The following LRIG1 variants were observed in gnomAD, a reference collection of about 807,000 sequenced individuals.
The protein encoded by LRIG1 is leucine rich repeats and immunoglobulin like domains 1, also known as leucine-rich repeats and immunoglobulin-like domains protein 1.
LRIG1 carries 48 observed loss-of-function variants against 99.2 expected under a neutral mutation model. That is an observed-to-expected ratio of 0.48 (90% CI 0.38 to 0.62). The LOEUF is 0.62. Among genes scored for constraint, LRIG1 ranks in the 20% least tolerant of loss-of-function variants. LRIG1 has a pLI of 0.00. For synonymous variants in LRIG1, 772 were observed against 596.1 expected (o/e 1.29, Z -4.30); for missense variants, 1,646 against 1,434.4 (o/e 1.15, Z -2.38).
chr3:66,450,276 C>T (rs1466691788), intron 3 of LRIG1, among the ~76,000 whole-genome samples: 1 of 152,174 alleles, frequency 6.6e-6, no homozygotes, highest in African/African-American at 2.4e-5. Context: ...ATCCAAGGAG[C>T]TACGTGACAA....
At chr3:66,432,782 A>G (rs1038244655) in intron 3 of LRIG1, among the ~76,000 whole-genome samples, 1 of 151,430 alleles carries the variant, frequency 6.6e-6, no homozygotes, top group African/African-American at 2.4e-5. Context: ...CATACCTCCC[A>G]CCTCTTCTCG....
chr3:66,421,803 C>T (rs1455789687), intron 3 of LRIG1, among the ~76,000 whole-genome samples: 2 of 152,246 alleles, frequency 1.3e-5, no homozygotes, highest in Non-Finnish European at 2.9e-5. Flanking sequence ...CCACACTGCC[C>T]TAGCAGAGGT....
At chr3:66,425,363 C>G (rs1239875762) in intron 3 of LRIG1, among the ~76,000 whole-genome samples, 1 of 152,246 alleles carries the variant, frequency 6.6e-6, no homozygotes, top group Non-Finnish European at 1.5e-5. Context: ...TTCCCAGAGT[C>G]CTGTGTGAGA....
chr3:66,398,279 T>G (rs1411500341), intron 10 of LRIG1, 96 bp from the exon 11 acceptor site: 1 of 872,520 alleles, frequency 1.1e-6, no homozygotes, highest in African/African-American at 1.7e-5. Flanking sequence ...CCACAGGGAC[T>G]AGCCAGACCT....
At position 66,451,658 on chromosome 3, in the gene LRIG1, C is replaced by A. The variant is rs771622354; in HGVS notation, c.291-25G>T. On this transcript the variant is annotated intron_variant, in intron 2 of 18. Coordinates refer to ENST00000273261, the MANE Select transcript of LRIG1 (RefSeq NM_015541.3). The stretch of plus-strand genomic sequence containing the variant: ...CCTGTAACAACAACAAGAAATTAAT[C>A]ATGTAAGGCATTTGAATTAGTCTGA... 9.0e-6 allele frequency: 14 copies of A among 1,561,428 alleles called. No individual in the cohort carries two copies. The East Asian group carries it at 2.9e-4, about 32-fold the overall frequency.
chr3:66,439,524 T>C (rs1703471703), intron 3 of LRIG1, among the ~76,000 whole-genome samples: 2 of 152,160 alleles, frequency 1.3e-5, no homozygotes, highest in South Asian at 4.1e-4. Flanking sequence ...AATAAAGCTT[T>C]TGGGTGAGAT....
At chr3:66,445,942 T>C (rs772744843) in intron 3 of LRIG1, among the ~76,000 whole-genome samples, 14 of 152,178 alleles carry the variant, frequency 9.2e-5, no homozygotes, top group Non-Finnish European at 1.9e-4. Context: ...TTTCCGACGT[T>C]GCACTCCAGG....
At chr3:66,397,206 C>T (rs1327334862) in intron 11 of LRIG1, among the ~76,000 whole-genome samples, 2 of 152,186 alleles carry the variant, frequency 1.3e-5, no homozygotes, top group African/African-American at 2.4e-5. Flanking sequence ...TGGTGTCACC[C>T]GGCCCGCTTC....
At chr3:66,481,442 C>T (rs4856944) in intron 1 of LRIG1, among the ~76,000 whole-genome samples, 118,860 of 152,094 alleles carry the variant, frequency 0.78, 50,655 homozygotes, top group Non-Finnish European at 0.96. Flanking sequence ...TTAATAAAGC[C>T]GACATTGTCC....
At chr3:66,498,286 T>G (rs764394930) in intron 1 of LRIG1, 10 of 152,258 alleles carry the variant, frequency 6.6e-5, no homozygotes, top group Non-Finnish European at 8.8e-5. Flanking sequence ...GACTTCAATT[T>G]TGAAGGTATT....
intron 3 of LRIG1, among the ~76,000 whole-genome samples, chr3:66,445,551 G>A (rs1298475375): frequency 6.6e-6 from 1 of 152,058 alleles, no homozygotes; most frequent in African/African-American, 2.4e-5. Flanking sequence ...CACACCTATG[G>A]TGCCCACAGG....
intron 12 of LRIG1, 133 bp downstream of exon 12, chr3:66,393,907 T>C (rs1335971757): frequency 6.6e-6 from 6 of 904,626 alleles, no homozygotes; most frequent in African/African-American, 3.4e-5. Flanking sequence ...AGAAATAAAT[T>C]GCATCCAGCA....
intron 1 of LRIG1, among the ~76,000 whole-genome samples, chr3:66,477,725 G>A (rs1321652230): frequency 6.6e-6 from 1 of 152,088 alleles, no homozygotes; most frequent in Non-Finnish European, 1.5e-5. Context: ...CATTTTTAAA[G>A]ATGTTATCAT....
chr3:66,451,582 T>G lies in LRIG1; in HGVS notation c.342A>C (p.Ser114=). The change falls in exon 3 of 19, where the codon TCA becomes TCC. Residue 114 remains serine, a synonymous_variant. Coordinates refer to ENST00000273261, the MANE Select transcript of LRIG1 (RefSeq NM_015541.3). The part of the protein sequence containing the change: ...LTAVPSLGAA[S]SHVVSLFLQH... ...ACAGAAAGAGAGAGACGACATGTGATGAAGCAGCGCCCAGGGATGGTACCG... is the reference window on the plus strand; with the variant it reads ...ACAGAAAGAGAGAGACGACATGTGAGGAAGCAGCGCCCAGGGATGGTACCG... 2 of 1,614,050 alleles carry G rather than the reference T, an allele frequency of 1.2e-6. No homozygotes were observed. Among genetic ancestry groups the G allele is most frequent in the Non-Finnish European group, 1.7e-6 (2 of 1,179,992 alleles).
chr3:66,385,616 C>T (rs142631931), intron 13 of LRIG1, among the ~76,000 whole-genome samples: 7,303 of 152,182 alleles, frequency 0.048, 579 homozygotes, highest in African/African-American at 0.16. Flanking sequence ...CCACACCTGG[C>T]TAATTTTTGT....
intron 1 of LRIG1, among the ~76,000 whole-genome samples, chr3:66,491,433 A>G (rs1701099389): frequency 6.6e-6 from 1 of 152,226 alleles, no homozygotes. Context: ...GCAGAGGACT[A>G]GCACAAAAGA....
chr3:66,493,465 T>TA (rs1701150620), intron 1 of LRIG1, among the ~76,000 whole-genome samples: 1 of 152,178 alleles, frequency 6.6e-6, no homozygotes, highest in African/African-American at 2.4e-5. Context: ...TTTCCAAGGG[T>TA]ACATGAGGTT....
intron 3 of LRIG1, among the ~76,000 whole-genome samples, chr3:66,422,742 C>T (rs531403817): frequency 6.6e-6 from 1 of 152,342 alleles, no homozygotes; most frequent in South Asian, 2.1e-4. Context: ...TCCCACTCTA[C>T]TGGTACCAAT....
intron 1 of LRIG1, among the ~76,000 whole-genome samples, chr3:66,478,706 T>A (rs954328403): frequency 2.6e-5 from 4 of 152,188 alleles, no homozygotes; most frequent in African/African-American, 4.8e-5. Flanking sequence ...CCCTAACTCA[T>A]GGATCTCCAA....
Sources: gnomAD v4.1 joint callset for allele counts (sites outside exome capture counted in the v4.1 genomes callset) on GRCh38, gnomAD v4.1.1 for gene constraint, MANE v1.5 for transcripts, NCBI Gene and HGNC (gene_info 2026-07-23, HGNC 2026-07-21) for gene names.